ERMARD: variants seen among roughly 807,000 people sequenced by gnomAD.
The protein encoded by ERMARD is ER membrane associated RNA degradation.
A neutral mutation model predicts 83.9 loss-of-function variants in ERMARD; 71 were observed. The ratio of observed to expected loss-of-function variants is 0.85; its 90% CI spans 0.70 to 1.03. The LOEUF (loss-of-function observed/expected upper bound fraction) is 1.03. Ranked by LOEUF, ERMARD falls within the 50% of genes least tolerant of loss-of-function variation. The probability of loss-of-function intolerance (pLI) is 0.00; values close to 1 mark genes in which losing one functional copy is unlikely to be tolerated. For synonymous variants in ERMARD, 284 were observed against 298.6 expected (o/e 0.95, Z 0.50); for missense variants, 838 against 810.9 (o/e 1.03, Z -0.41).
intron 10 of ERMARD, chr6:169,767,791 G>A (rs537832765): frequency 5.9e-6 from 2 of 340,916 alleles, no homozygotes; most frequent in East Asian, 1.2e-4. Context: ...AGGCACAGTT[G>A]CATATAAACA....
At chr6:169,776,113 A>G in intron 15 of ERMARD, 48 bp downstream of exon 15, 2 of 1,601,206 alleles carry the variant, frequency 1.2e-6, no homozygotes, top group Non-Finnish European at 1.7e-6. Flanking sequence ...GATTCAGCAG[A>G]TTAGCATAGC....
intron 5 of ERMARD, among the ~76,000 whole-genome samples, chr6:169,758,426 A>C (rs542963031): frequency 6.6e-6 from 1 of 152,216 alleles, no homozygotes; most frequent in African/African-American, 2.4e-5. Context: ...GGTGGGGTGG[A>C]TAAGTGATGG....
At chr6:169,761,603 T>C (rs1008901923) in intron 8 of ERMARD, among the ~76,000 whole-genome samples, 4 of 152,242 alleles carry the variant, frequency 2.6e-5, no homozygotes, top group African/African-American at 4.8e-5. Context: ...AAATGGTTCA[T>C]CAAACATTAA....
intron 16 of ERMARD, among the ~76,000 whole-genome samples, chr6:169,778,685 A>G (rs1793867361): frequency 6.6e-6 from 1 of 152,240 alleles, no homozygotes; most frequent in African/African-American, 2.4e-5. Context: ...CCACTCTCCA[A>G]AACCACAATA....
intron 17 of ERMARD, among the ~76,000 whole-genome samples, chr6:169,780,178 G>T (rs1313427504): frequency 6.6e-6 from 1 of 152,204 alleles, no homozygotes; most frequent in South Asian, 2.1e-4. Context: ...CCCATGCTTG[G>T]CACTGCTGGC....
rs750412977 is a variant in ERMARD at position 169,759,993 on chromosome 6, A to G, written c.742+19A>G. On this transcript the variant is annotated intron_variant, in intron 7 of 17. Coordinates refer to ENST00000366773, the MANE Select transcript of ERMARD (RefSeq NM_018341.3). ...TTTCCTGGTAAGTACTATGTTTCAC[A>G]TTTTTCCTTATAGCTTTGCGTAGAT... The G allele has an allele frequency of 1.9e-6, 3 of 1,613,850 alleles. No homozygotes were observed. Among genetic ancestry groups the G allele is most frequent in the African/African-American group, 2.7e-5 (2 of 75,018 alleles).
At chr6:169,769,967 T>A (rs1333212739) in intron 12 of ERMARD, among the ~76,000 whole-genome samples, 1 of 152,182 alleles carries the variant, frequency 6.6e-6, no homozygotes. Context: ...TAACAGCAGC[T>A]AAGTATTGAA....
chr6:169,769,846 A>G (rs899347344), intron 12 of ERMARD, 133 bp downstream of exon 12: 1 of 739,852 alleles, frequency 1.4e-6, no homozygotes, highest in Non-Finnish European at 2.1e-6. Flanking sequence ...CATCAGAAAA[A>G]AAAGTGAATG....
At chr6:169,754,802 CA>C (rs1226057533) in intron 2 of ERMARD, among the ~76,000 whole-genome samples, 6 of 151,734 alleles carry the variant, frequency 4.0e-5, no homozygotes, top group African/African-American at 1.2e-4. Context: ...CCAAACTTAT[CA>C]AAAAAAATTA....
At chr6:169,761,564 A>T (rs952393608) in intron 8 of ERMARD, among the ~76,000 whole-genome samples, 43 of 152,170 alleles carry the variant, frequency 2.8e-4, no homozygotes, top group African/African-American at 1.0e-3. Context: ...CAGTCCTTTG[A>T]TGACATTTTA....
At chr6:169,772,787 A>T (rs1315082290) in intron 12 of ERMARD, among the ~76,000 whole-genome samples, 1 of 151,878 alleles carries the variant, frequency 6.6e-6, no homozygotes, top group Non-Finnish European at 1.5e-5. Flanking sequence ...AAAAAAAAAA[A>T]AAAAAATTGT....
At position 169,779,255 on chromosome 6, in the gene ERMARD, GT is replaced by G. The variant is rs1180201356; in HGVS notation, c.1816del (p.Cys606ValfsTer12). The G allele has an allele frequency of 6.2e-7, 1 of 1,614,210 alleles. No individual in the cohort carries two copies. The highest frequency in any genetic ancestry group is 2.2e-5 in the East Asian group (1 of 44,878). ...GCTGGAGTTGGTCAACATTCATGCT[GT>G]TTGTGGGAAGAATGCGCATGAGTAT... is the stretch of plus-strand genomic sequence containing the variant. ...IALELVNIHAVCGKNAHEYQQ... is the reference protein window; with the variant it reads ...IALELVNIHAXCGKNAHEYQQ... On this transcript the variant is annotated frameshift_variant, in exon 17 of 18. Transcript: ENST00000366773. LOFTEE classifies it low-confidence loss of function (END_TRUNC).
chr6:169,757,284 A>G (rs1232362399), intron 5 of ERMARD, among the ~76,000 whole-genome samples: 1 of 152,194 alleles, frequency 6.6e-6, no homozygotes, highest in African/African-American at 2.4e-5. Context: ...CAGTGATTCA[A>G]GCATATTCTC....
At position 169,776,351 on chromosome 6, in the gene ERMARD, C is replaced by T. The variant is rs771511365; in HGVS notation, c.1521-104C>T. 1.9e-5 allele frequency: 30 copies of T among 1,554,126 alleles called. No individual in the cohort carries two copies. In the Admixed American group the frequency reaches 3.7e-4, roughly 19 times the overall value. On this transcript the variant is annotated intron_variant, in intron 15 of 17. Transcript: ENST00000366773. ...CCCTGCAGACCAACCAGCGATACGC[C>T]GCTAGCCCTGGCTCCCAGAAAGCCG... is the stretch of plus-strand genomic sequence containing the variant.
Position 169,760,728 on chromosome 6 carries a change from G to A in ERMARD, c.829G>A (p.Val277Ile). 1.2e-6 allele frequency: 2 copies of A among 1,613,950 alleles called. No individual in the cohort carries two copies. The highest frequency in any genetic ancestry group is 2.2e-5 in the East Asian group (1 of 44,876). ...AAAAATCATGTTACCATATTGGGAA[G>A]TTGCACTGGTCAAGTTCAAGTCACA... ...ILKIMLPYWEVALVKFKSHRF... is the reference protein window; with the variant it reads ...ILKIMLPYWEIALVKFKSHRF... The change falls in exon 8 of 18, where the codon GTT becomes ATT. Residue 277 changes from valine (V) to isoleucine (I), a missense_variant. Transcript: ENST00000366773.
At chr6:169,761,885 A>G (rs4716392) in intron 8 of ERMARD, among the ~76,000 whole-genome samples, 44,656 of 151,722 alleles carry the variant, frequency 0.29, 7,481 homozygotes, top group African/African-American at 0.45. Context: ...GTTTCGTCAC[A>G]TTGGTCAGGC....
chr6:169,767,771 A>C, intron 10 of ERMARD: 1 of 343,250 alleles, frequency 2.9e-6, no homozygotes, highest in Non-Finnish European at 5.5e-6. Flanking sequence ...ACACACACAC[A>C]CACACACACA....
chr6:169,775,314 T>A lies in ERMARD; in HGVS notation c.1362T>A (p.Pro454=). 6.2e-7 allele frequency: 1 copy of A among 1,614,180 alleles called. No individual in the cohort carries two copies. ...EESIRVWALL[P]FPEELTRQAV... The stretch of plus-strand genomic sequence containing the variant: ...GCATCAGGGTTTGGGCTCTGCTGCC[T>A]TTCCCCGAAGAACTCACTCGGCAAG... Residue 454 remains proline (P), a synonymous_variant, in exon 14 of 18, where the codon CCT becomes CCA. Transcript: ENST00000366773.
chr6:169,772,230 C>T (rs1419912027), intron 12 of ERMARD, among the ~76,000 whole-genome samples: 1 of 152,198 alleles, frequency 6.6e-6, no homozygotes. Flanking sequence ...CGGAAGCCCT[C>T]GGATGGGTTC....
Sources: allele counts gnomAD v4.1 joint callset (sites outside exome capture counted in the v4.1 genomes callset), GRCh38; gene constraint gnomAD v4.1.1; transcripts MANE v1.5; gene names NCBI Gene and HGNC (gene_info 2026-07-23, HGNC 2026-07-21).